Variants in SNRPA1 observed in about 807,000 individuals in gnomAD.
SNRPA1 encodes the protein U2 small nuclear ribonucleoprotein A'.
In SNRPA1, 5 loss-of-function variants were observed where a neutral mutation model predicts 32.3. The observed-to-expected ratio is 0.15, with a 90% CI of 0.08 to 0.33. SNRPA1 has a LOEUF of 0.33. Among genes scored for constraint, SNRPA1 ranks in the 10% least tolerant of loss-of-function variants. SNRPA1 has a pLI of 1.00. For synonymous variants in SNRPA1, 111 were observed against 120.1 expected (o/e 0.92, Z 0.50); for missense variants, 198 against 311.1 (o/e 0.64, Z 2.74).
At chr15:101,287,035 G>T in intron 4 of SNRPA1, 25 bp from the exon 5 acceptor site, 1 of 1,311,224 alleles carries the variant, frequency 7.6e-7, no homozygotes, top group South Asian at 1.2e-5. Context: ...ATGACACAAT[G>T]GCAAACTTGT....
chr15:101,286,417 G>C, intron 5 of SNRPA1, 124 bp from the exon 6 acceptor site: 5 of 729,338 alleles, frequency 6.9e-6, no homozygotes, highest in Non-Finnish European at 8.7e-6. Flanking sequence ...ATACCAAAAA[G>C]CAATTTCAAA....
At chr15:101,284,294 C>G (rs1431586113) in intron 8 of SNRPA1, among the ~76,000 whole-genome samples, 1 of 152,210 alleles carries the variant, frequency 6.6e-6, no homozygotes, top group Non-Finnish European at 1.5e-5. Context: ...AAAGGCAGAG[C>G]TGGTGAAGCT....
At chr15:101,290,479 G>T (rs918388319) in intron 3 of SNRPA1, among the ~76,000 whole-genome samples, 3 of 152,164 alleles carry the variant, frequency 2.0e-5, no homozygotes, top group African/African-American at 7.2e-5. Context: ...TCTGAAGGAT[G>T]CTATGGACCT....
chr15:101,294,070 C>T (rs1265489010), intron 1 of SNRPA1, among the ~76,000 whole-genome samples: 1 of 152,146 alleles, frequency 6.6e-6, no homozygotes, highest in African/African-American at 2.4e-5. Flanking sequence ...CATGTCTTTA[C>T]TAAAAATACA....
rs535793803 is a variant in SNRPA1, at chr15:101,294,894, A to G, written c.82+203T>C. 1.3e-4 allele frequency: 59 copies of G among 438,050 alleles called. 1 individual carries two copies. In the South Asian group the frequency reaches 2.2e-3, roughly 16 times the overall value. The allele number at this position is 438,050 out of a possible 1,614,324, so 27.1% of individuals were successfully genotyped here. ...GTGCCTGTCAAGAGGCACGGCGCTA[A>G]CAGAAGGCTCCCAGGAGCTTAACCG... On this transcript the variant is annotated intron_variant, in intron 1 of 8. Coordinates refer to ENST00000254193, the MANE Select transcript of SNRPA1 (RefSeq NM_003090.4).
chr15:101,286,553 T>A, intron 5 of SNRPA1: 1 of 482,416 alleles, frequency 2.1e-6, no homozygotes, highest in Non-Finnish European at 3.6e-6. Context: ...AAATAATGAA[T>A]TCCTAATAAA....
At position 101,293,187 on chromosome 15, in the gene SNRPA1, A is replaced by G. The variant is rs777814798; in HGVS notation, c.83-15T>C. 2.6e-5 allele frequency: 41 copies of G among 1,572,612 alleles called. 1 individual carries two copies. The South Asian group carries it at 4.3e-4, about 16-fold the overall frequency. Reference sequence around the variant, plus strand: ...AATTTTATACCCTATAAAATGGAGGAAAAAAACACAAGAGGTATTAATATA... The same window carrying G: ...AATTTTATACCCTATAAAATGGAGGGAAAAAACACAAGAGGTATTAATATA... On this transcript the variant is annotated splice_polypyrimidine_tract_variant and intron_variant, in intron 1 of 8. Coordinates refer to ENST00000254193, the MANE Select transcript of SNRPA1 (RefSeq NM_003090.4).
At chr15:101,285,145 G>C (rs1188179645) in intron 7 of SNRPA1, 85 bp from the exon 8 acceptor site, 2 of 867,108 alleles carry the variant, frequency 2.3e-6, no homozygotes, top group East Asian at 5.0e-5. Context: ...ATCACCTACA[G>C]AAATTCACAG....
At chr15:101,291,218 A>T (rs1477801291) in intron 3 of SNRPA1, among the ~76,000 whole-genome samples, 1 of 152,218 alleles carries the variant, frequency 6.6e-6, no homozygotes, top group African/African-American at 2.4e-5. Flanking sequence ...TTAAGTGAAG[A>T]ATTTAGGTTA....
Position 101,281,594 on chromosome 15 carries a change from A to G in SNRPA1, c.*130T>C. ...TCAAAACTTATATTACAAAATTATC[A>G]GCAGCAGTCTTAAGCATTTCAACAA... is the stretch of plus-strand genomic sequence containing the variant. On this transcript the variant is annotated 3_prime_UTR_variant, in exon 9 of 9. Transcript: ENST00000254193. 1.5e-6 allele frequency: 1 copy of G among 661,806 alleles called. No individual in the cohort carries two copies. The highest frequency in any genetic ancestry group is 1.8e-5 in the African/African-American group (1 of 55,146). 41.0% of individuals were successfully genotyped at this position (661,806 alleles called of 1,614,324 possible).
chr15:101,290,244 C>T (rs1033931556), intron 3 of SNRPA1, among the ~76,000 whole-genome samples: 12 of 152,192 alleles, frequency 7.9e-5, no homozygotes, highest in African/African-American at 2.9e-4. Context: ...AAATCCACTA[C>T]CATGCTGTGA....
intron 3 of SNRPA1, among the ~76,000 whole-genome samples, chr15:101,288,890 C>G (rs771878327): frequency 2.2e-4 from 33 of 152,192 alleles, no homozygotes; most frequent in Non-Finnish European, 3.7e-4. Flanking sequence ...AATTTGGGCC[C>G]TCACTCTTAA....
Position 101,282,532 on chromosome 15 carries a change from G to C in SNRPA1, c.710-750C>G, listed in dbSNP as rs1275254475. Among the ~76,000 whole-genome samples, 4 of 152,188 alleles carry C rather than the reference G, an allele frequency of 2.6e-5. No homozygotes were observed. In the East Asian group the frequency reaches 7.7e-4, roughly 29 times the overall value. On this transcript the variant is annotated intron_variant, in intron 8 of 8. Coordinates refer to ENST00000254193, the MANE Select transcript of SNRPA1 (RefSeq NM_003090.4). The stretch of plus-strand genomic sequence containing the variant: ...GATACTATGCTAAAACTTGACAAAT[G>C]GTAGCTTCCTCAAGGTTAGATGGCA...
chr15:101,283,483 A>C (rs539727764), intron 8 of SNRPA1, among the ~76,000 whole-genome samples: 1 of 151,620 alleles, frequency 6.6e-6, no homozygotes, highest in Non-Finnish European at 1.5e-5. Context: ...GAAGAATGGC[A>C]TGAACCCAGG....
intron 1 of SNRPA1, among the ~76,000 whole-genome samples, chr15:101,294,432 G>C (rs1387000669): frequency 6.6e-6 from 1 of 152,226 alleles, no homozygotes; most frequent in Non-Finnish European, 1.5e-5. Context: ...CAACTAGCTA[G>C]CTGCCCTCCC....
In SNRPA1 at chr15:101,281,769, A is replaced by G; in HGVS notation, c.723T>C (p.Asp241=). The change falls in exon 9 of 9, where the codon GAT becomes GAC. Residue 241 remains aspartate, a synonymous_variant. Transcript: ENST00000254193. ...TGTCTTCTTCCATCTCTTCTTCACC[A>G]TCATCAGTGGGCCCTAAAGAAAACC... ...GRERRSGPTD[D]GEEEMEEDTV... 2 of 1,614,102 alleles carry G rather than the reference A, an allele frequency of 1.2e-6. No individual in the cohort carries two copies. The highest frequency in any genetic ancestry group is 1.1e-5 in the South Asian group (1 of 91,090).
intron 7 of SNRPA1, among the ~76,000 whole-genome samples, chr15:101,285,342 T>C (rs890059951): frequency 2.6e-5 from 4 of 152,230 alleles, no homozygotes. Flanking sequence ...TGCAATTATG[T>C]TACTGAATAA....
At chr15:101,287,753 A>G (rs1168484635) in intron 3 of SNRPA1, 51 bp from the exon 4 acceptor site, 2 of 1,539,368 alleles carry the variant, frequency 1.3e-6, no homozygotes, top group Non-Finnish European at 1.8e-6. Context: ...CGCTATTTTG[A>G]GATTCTGAAA....
At chr15:101,287,788 GTCTTT>G in intron 3 of SNRPA1, 86 bp from the exon 4 acceptor site, 1 of 1,200,304 alleles carries the variant, frequency 8.3e-7, no homozygotes, top group Non-Finnish European at 1.2e-6. Flanking sequence ...GAAGCAAGTT[GTCTTT>G]TCATTATTTA....
Sources: gnomAD v4.1 joint callset for allele counts (sites outside exome capture counted in the v4.1 genomes callset) on GRCh38, gnomAD v4.1.1 for gene constraint, MANE v1.5 for transcripts, NCBI Gene and HGNC (gene_info 2026-07-23, HGNC 2026-07-21) for gene names.